Variants in RNF216 observed in about 807,000 individuals in gnomAD.
RNF216 encodes the protein ring finger protein 216, also known as E3 ubiquitin-protein ligase RNF216.
RNF216 carries 72 observed loss-of-function variants against 110.8 expected under a neutral mutation model. That is an observed-to-expected ratio of 0.65 (90% CI 0.54 to 0.79). The LOEUF is 0.79. Among genes scored for constraint, RNF216 ranks in the 30% least tolerant of loss-of-function variants. The probability of loss-of-function intolerance (pLI) is 0.00; values close to 1 mark genes in which losing one functional copy is unlikely to be tolerated. For missense variants in RNF216, 1,342 were observed against 1,141.2 expected, an observed-to-expected ratio of 1.18 and a Z score of -2.54; for synonymous variants, 495 against 407.5, an observed-to-expected ratio of 1.21 and a Z score of -2.59.
chr7:5,661,291 T>G (rs1789121697), intron 13 of RNF216, among the ~76,000 whole-genome samples: 1 of 151,870 alleles, frequency 6.6e-6, no homozygotes, highest in Non-Finnish European at 1.5e-5. Context: ...GCCCAGTCAG[T>G]GGCGCCAGCA....
chr7:5,629,731 G>A (rs1359652933), intron 15 of RNF216, among the ~76,000 whole-genome samples: 1 of 149,978 alleles, frequency 6.7e-6, no homozygotes, highest in Non-Finnish European at 1.5e-5. Context: ...GGAGGCTGAG[G>A]CAGGAGAATC....
chr7:5,704,314 C>A (rs370006041), intron 13 of RNF216, among the ~76,000 whole-genome samples: 1 of 152,184 alleles, frequency 6.6e-6, no homozygotes, highest in Admixed American at 6.5e-5. Context: ...CTGGCAAAGA[C>A]ACTGCAATGA....
intron 15 of RNF216, among the ~76,000 whole-genome samples, chr7:5,626,256 G>A (rs1786694767): frequency 6.6e-6 from 1 of 152,086 alleles, no homozygotes; most frequent in Non-Finnish European, 1.5e-5. Context: ...TAATCACTAA[G>A]TGAGTCAACA....
At chr7:5,691,570 G>A (rs1213576459) in intron 13 of RNF216, among the ~76,000 whole-genome samples, 1 of 152,180 alleles carries the variant, frequency 6.6e-6, no homozygotes, top group Non-Finnish European at 1.5e-5. Context: ...CAGAGTATGT[G>A]TGTTAGTTTT....
intron 7 of RNF216, among the ~76,000 whole-genome samples, chr7:5,728,058 C>G (rs1793865725): frequency 6.6e-6 from 1 of 152,064 alleles, no homozygotes; most frequent in Admixed American, 6.5e-5. Context: ...ACATTGGCAA[C>G]CAACGTTTCC....
chr7:5,731,647 A>G (rs1383027504), intron 5 of RNF216, among the ~76,000 whole-genome samples: 2 of 151,386 alleles, frequency 1.3e-5, no homozygotes, highest in Non-Finnish European at 2.9e-5. Context: ...GTAGCAAGGA[A>G]GCTTCTTTGC....
At chr7:5,743,593 C>A (rs1468409891) in intron 3 of RNF216, among the ~76,000 whole-genome samples, 2 of 152,178 alleles carry the variant, frequency 1.3e-5, no homozygotes, top group Non-Finnish European at 2.9e-5. Context: ...ATTCCATTTA[C>A]TTAAAATATG....
chr7:5,710,590 T>C (rs1056603403), intron 13 of RNF216, among the ~76,000 whole-genome samples: 12 of 152,126 alleles, frequency 7.9e-5, no homozygotes, highest in East Asian at 1.9e-4. Context: ...AGACTTTCCT[T>C]ATATTTTATC....
chr7:5,741,625 T>A lies in RNF216; in HGVS notation c.392A>T (p.Tyr131Phe). 1 of 1,614,154 alleles carries A rather than the reference T, an allele frequency of 6.2e-7. No individual in the cohort carries two copies. Among genetic ancestry groups the A allele is most frequent in the Non-Finnish European group, 8.5e-7 (1 of 1,180,036 alleles). ...AGGCCCAAGATCCAGAAATTCACCG[T>A]AGTCATCCTCAGAATCATCCTGTGC... is the stretch of plus-strand genomic sequence containing the variant. ...SGAQDDSEDD[Y>F]GEFLDLGPPG... Residue 131 changes from tyrosine to phenylalanine, a missense_variant, in exon 4 of 17, where the codon TAC becomes TTC. By Grantham distance (22) the Tyr-to-Phe change is conservative. Coordinates refer to ENST00000389902, the MANE Select transcript of RNF216 (RefSeq NM_207111.4).
intron 14 of RNF216, among the ~76,000 whole-genome samples, chr7:5,642,308 G>T (rs1195818583): frequency 6.6e-6 from 1 of 151,716 alleles, no homozygotes; most frequent in Non-Finnish European, 1.5e-5. Context: ...CGCCTCCCCG[G>T]GTTCAAGAGA....
intron 13 of RNF216, among the ~76,000 whole-genome samples, chr7:5,657,786 T>C (rs1163093333): frequency 6.6e-6 from 1 of 152,142 alleles, no homozygotes; most frequent in Non-Finnish European, 1.5e-5. Context: ...GATTTTAAGA[T>C]GGAACCCCTT....
At chr7:5,752,725 A>G (rs1795396553) in intron 3 of RNF216, 121 bp downstream of exon 3, 3 of 902,848 alleles carry the variant, frequency 3.3e-6, no homozygotes, top group South Asian at 1.7e-5. Flanking sequence ...AGAATGGAAA[A>G]GGGGCTGTTC....
intron 13 of RNF216, among the ~76,000 whole-genome samples, chr7:5,663,552 C>T (rs909496408): frequency 1.3e-4 from 18 of 142,232 alleles, no homozygotes; most frequent in African/African-American, 4.5e-4. Flanking sequence ...CCACTGCACT[C>T]CAGTCTGGGC....
intron 5 of RNF216, among the ~76,000 whole-genome samples, chr7:5,733,698 A>T (rs1247816593): frequency 6.6e-6 from 1 of 151,672 alleles, no homozygotes; most frequent in Non-Finnish European, 1.5e-5. Flanking sequence ...AAGAGAAGAG[A>T]GAAGTAAACA....
chr7:5,734,879 G>A lies in RNF216; in HGVS notation c.1122-4062C>T, dbSNP rs193171865. 1.1e-4 allele frequency among the ~76,000 whole-genome samples: 13 copies of A among 113,476 alleles called. No homozygotes were observed. In the East Asian group the frequency reaches 4.9e-3, roughly 43 times the overall value. 74.4% of individuals were successfully genotyped at this position (113,476 alleles called of 152,430 possible). A position where few individuals can be genotyped will look rare whatever the true frequency, so the allele number is the denominator to read the frequency against. Reference sequence around the variant, plus strand: ...AAATAAATAAATAAAAGGTTTGCAGGGCATGGTGGCTCACGTCTCCCAGCA... The same window carrying A: ...AAATAAATAAATAAAAGGTTTGCAGAGCATGGTGGCTCACGTCTCCCAGCA... On this transcript the variant is annotated intron_variant, in intron 5 of 16. Coordinates refer to ENST00000389902, the MANE Select transcript of RNF216 (RefSeq NM_207111.4).
chr7:5,761,289 C>T (rs1394366979), intron 1 of RNF216, among the ~76,000 whole-genome samples, 151 bp from the exon 2 acceptor site: 6 of 149,596 alleles, frequency 4.0e-5, no homozygotes, highest in Admixed American at 3.3e-4. Context: ...AAAAACCACA[C>T]AAACTCAAAA....
At chr7:5,747,746 CAAAAAAAAAAAAAAAA>C (rs1207043505) in intron 3 of RNF216, among the ~76,000 whole-genome samples, 1 of 7,018 alleles carries the variant, frequency 1.4e-4, no homozygotes, top group African/African-American at 5.5e-4. Flanking sequence ...GACTCCATCT[CAAAAAAAAAAAAAAAA>C]AAAAAAAAAA....
intron 13 of RNF216, among the ~76,000 whole-genome samples, chr7:5,660,234 T>TG (rs962829830): frequency 4.8e-4 from 70 of 144,630 alleles, no homozygotes; most frequent in Middle Eastern, 3.8e-3. Context: ...ATTATAAATA[T>TG]GAGCCACAGA....
chr7:5,638,893 C>G (rs1043472765), intron 15 of RNF216, among the ~76,000 whole-genome samples: 3 of 152,126 alleles, frequency 2.0e-5, no homozygotes, highest in African/African-American at 7.2e-5. Flanking sequence ...CCTTGACCTC[C>G]CAAAGCTTAC....
Sources: allele counts gnomAD v4.1 joint callset (sites outside exome capture counted in the v4.1 genomes callset), GRCh38; gene constraint gnomAD v4.1.1; transcripts MANE v1.5; gene names NCBI Gene and HGNC (gene_info 2026-07-23, HGNC 2026-07-21).